TMEM192: variants seen among roughly 807,000 people sequenced by gnomAD.
TMEM192 encodes transmembrane protein 192.
Under a neutral mutation model 26.7 loss-of-function variants are expected in TMEM192, and 20 were observed. The observed-to-expected ratio is 0.75, with a 90% CI of 0.53 to 1.09. TMEM192 has a LOEUF of 1.09. Ranked by LOEUF, TMEM192 falls within the 50% of genes least tolerant of loss-of-function variation. The pLI is 0.00. For missense variants in TMEM192, 304 were observed against 322.6 expected (o/e 0.94, Z 0.44); for synonymous variants, 124 against 121.0 (o/e 1.02, Z -0.16).
chr4:165,097,151 C>A (rs1025487173), intron 3 of TMEM192, among the ~76,000 whole-genome samples: 2 of 152,096 alleles, frequency 1.3e-5, no homozygotes, highest in African/African-American at 4.8e-5. Flanking sequence ...CCTTCAGCTT[C>A]CACTGAGAAT....
At chr4:165,089,621 C>T (rs1205554778) in intron 3 of TMEM192, among the ~76,000 whole-genome samples, 1 of 152,144 alleles carries the variant, frequency 6.6e-6, no homozygotes, top group East Asian at 1.9e-4. Flanking sequence ...TTGCACCCAG[C>T]CGAAAGTGAC....
chr4:165,099,102 CTTTTTTTTTTT>C (rs1160535314), intron 3 of TMEM192, among the ~76,000 whole-genome samples: 1 of 126,194 alleles, frequency 7.9e-6, no homozygotes, highest in East Asian at 2.3e-4. Context: ...TTTTTTCTTT[CTTTTTTTTTTT>C]TTTTTTTTTG....
chr4:165,104,137 A>G (rs1735109758), intron 1 of TMEM192, among the ~76,000 whole-genome samples: 1 of 152,230 alleles, frequency 6.6e-6, no homozygotes, highest in Non-Finnish European at 1.5e-5. Context: ...ATGGATATAT[A>G]CTGCATTGTA....
Position 165,100,761 on chromosome 4 carries a change from A to T in TMEM192, c.306T>A (p.Ile102=). 1 of 1,614,044 alleles carries T rather than the reference A, an allele frequency of 6.2e-7. No homozygotes were observed. Among genetic ancestry groups the T allele is most frequent in the East Asian group, 2.2e-5 (1 of 44,852 alleles). The part of the protein sequence containing the change: ...VQTVIILGKV[I]LWILHLLLEC... Reference sequence around the variant, plus strand: ...CAAGGAGTAAATGGAGAATCCACAAAATAACTTTCCCAAGGATTATAACCG... The same window carrying T: ...CAAGGAGTAAATGGAGAATCCACAATATAACTTTCCCAAGGATTATAACCG... Residue 102 remains isoleucine (I), a synonymous_variant, in exon 3 of 6, where the codon ATT becomes ATA. Coordinates refer to ENST00000306480, the MANE Select transcript of TMEM192 (RefSeq NM_001100389.2).
At chr4:165,099,842 A>C (rs1453394026) in intron 3 of TMEM192, among the ~76,000 whole-genome samples, 5 of 152,138 alleles carry the variant, frequency 3.3e-5, no homozygotes, top group Non-Finnish European at 7.4e-5. Context: ...TCAGCTACTC[A>C]GGAGGCTGAG....
Position 165,100,648 on chromosome 4 carries a change from G to C in TMEM192, c.419C>G (p.Ala140Gly). The C allele has an allele frequency of 3.1e-6, 5 of 1,614,140 alleles. No homozygotes were observed. Among genetic ancestry groups the C allele is most frequent in the Non-Finnish European group, 4.2e-6 (5 of 1,180,022 alleles). Residue 140 changes from alanine to glycine, a missense_variant, in exon 3 of 6, where the codon GCG (alanine) becomes GGG (glycine). Ala to Gly is a moderately conservative substitution (Grantham distance 60). Coordinates refer to ENST00000306480, the MANE Select transcript of TMEM192 (RefSeq NM_001100389.2). ...YRSTRHLKRL[A>G]LMIQSSGNTV... ...CATACCAGAGGACTGTATCATCAAC[G>C]CAAGTCTCTTGAGATGCCTTGTTGA...
chr4:165,106,276 T>A (rs758378480), intron 1 of TMEM192, among the ~76,000 whole-genome samples: 1 of 152,228 alleles, frequency 6.6e-6, no homozygotes, highest in Non-Finnish European at 1.5e-5. Context: ...CTCTCTATTC[T>A]CACTATCTTA....
rs138060292 is a variant in TMEM192, at chr4:165,085,846, C to T, written c.575-158G>A. ...CTAAGCCCTGGGAATATAGGGATTACATTAGTATTGAAATAGCAATAATAG... is the reference window on the plus strand; with the variant it reads ...CTAAGCCCTGGGAATATAGGGATTATATTAGTATTGAAATAGCAATAATAG... On this transcript the variant is annotated intron_variant, in intron 4 of 5. Coordinates refer to ENST00000306480, the MANE Select transcript of TMEM192 (RefSeq NM_001100389.2). Among the ~76,000 whole-genome samples the T allele has an allele frequency of 8.4e-3, 1,278 of 152,272 alleles. 21 individuals carry two copies. Among genetic ancestry groups the T allele is most frequent in the African/African-American group, 0.029 (1,187 of 41,562 alleles).
Position 165,110,516 on chromosome 4 carries a change from A to G in TMEM192, c.27+2231T>C, listed in dbSNP as rs184863012. Among the ~76,000 whole-genome samples the G allele has an allele frequency of 2.6e-5, 4 of 152,310 alleles. No individual in the cohort carries two copies. The South Asian group carries it at 8.3e-4, about 32-fold the overall frequency. ...AGATGGATCACCTGAGACCAGCCTG[A>G]CCAAAATGGAGAAATCCCGTCTCTA... On this transcript the variant is annotated intron_variant, in intron 1 of 5. Coordinates refer to ENST00000306480, the MANE Select transcript of TMEM192 (RefSeq NM_001100389.2).
At position 165,100,698 on chromosome 4, in the gene TMEM192, GTTT is replaced by G; in HGVS notation, c.366_368del (p.Arg122_Asn123delinsSer). The G allele has an allele frequency of 6.2e-7, 1 of 1,614,092 alleles. No individual in the cohort carries two copies. The highest frequency in any genetic ancestry group is 1.1e-5 in the South Asian group (1 of 91,082). ...ATCGGTAGATCAAGTTATAGCCTCG[GTTT>G]CTGATTTTGCTGTGGTGATACTGGA... On this transcript the variant is annotated inframe_deletion, in exon 3 of 6. Transcript: ENST00000306480.
chr4:165,093,601 A>G (rs1364686416), intron 3 of TMEM192, among the ~76,000 whole-genome samples: 2 of 152,172 alleles, frequency 1.3e-5, no homozygotes, highest in Non-Finnish European at 2.9e-5. Context: ...CCCTCCTTGA[A>G]GAAGACCACC....
chr4:165,088,147 G>T (rs757442388), intron 4 of TMEM192, among the ~76,000 whole-genome samples: 1 of 152,170 alleles, frequency 6.6e-6, no homozygotes, highest in Non-Finnish European at 1.5e-5. Flanking sequence ...CAGAGCTCAA[G>T]TGATCCTTCT....
At chr4:165,107,623 C>A (rs767344318) in intron 1 of TMEM192, among the ~76,000 whole-genome samples, 6 of 152,200 alleles carry the variant, frequency 3.9e-5, no homozygotes, top group Non-Finnish European at 7.3e-5. Flanking sequence ...GGATTACAGG[C>A]ATAAGCCACC....
chr4:165,099,924 T>C (rs908782032), intron 3 of TMEM192, among the ~76,000 whole-genome samples: 1 of 152,136 alleles, frequency 6.6e-6, no homozygotes, highest in Non-Finnish European at 1.5e-5. Context: ...CTTTCAGTCT[T>C]GGGTGACAGA....
Position 165,103,115 on chromosome 4 carries a change from A to T in TMEM192, c.28-19T>A. On this transcript the variant is annotated intron_variant, in intron 1 of 5. Transcript: ENST00000306480. ...AGGAACCCTGGGGTGCAGAAAAACA[A>T]GCAACCTATAATCACCACTTTCTAG... The T allele has an allele frequency of 6.3e-7, 1 of 1,590,426 alleles. No individual in the cohort carries two copies. Among genetic ancestry groups the T allele is most frequent in the Non-Finnish European group, 8.5e-7 (1 of 1,169,708 alleles).
intron 1 of TMEM192, among the ~76,000 whole-genome samples, chr4:165,103,558 A>G (rs1464053934): frequency 1.6e-5 from 2 of 126,030 alleles, no homozygotes; most frequent in Non-Finnish European, 3.2e-5. Context: ...CTTGTTGCCC[A>G]GGCTGGAGTG....
rs1371643501 is a variant in TMEM192, at chr4:165,083,430, C to T, written c.677+2156G>A. On this transcript the variant is annotated intron_variant, in intron 5 of 5. Coordinates refer to ENST00000306480, the MANE Select transcript of TMEM192 (RefSeq NM_001100389.2). Reference sequence around the variant, plus strand: ...TATTGAGAATTATAGACAGTATAATCCAGGCTTCAAGAAACCGAGGGTAAA... The same window carrying T: ...TATTGAGAATTATAGACAGTATAATTCAGGCTTCAAGAAACCGAGGGTAAA... Among the ~76,000 whole-genome samples, 33 of 40,178 alleles carry T rather than the reference C, an allele frequency of 8.2e-4. 16 individuals carry two copies. The highest frequency in any genetic ancestry group is 2.8e-3 in the Non-Finnish European group (30 of 10,532). 26.4% of individuals were successfully genotyped at this position (40,178 alleles called of 152,430 possible).
At chr4:165,109,318 C>T (rs1394424534) in intron 1 of TMEM192, among the ~76,000 whole-genome samples, 1 of 152,156 alleles carries the variant, frequency 6.6e-6, no homozygotes, top group Non-Finnish European at 1.5e-5. Flanking sequence ...AAAGACTGCT[C>T]AACTTCTTGT....
chr4:165,088,585 G>C lies in TMEM192; in HGVS notation c.457C>G (p.Leu153Val). 1.2e-6 allele frequency: 2 copies of C among 1,612,360 alleles called. No homozygotes were observed. The highest frequency in any genetic ancestry group is 1.7e-6 in the Non-Finnish European group (2 of 1,179,238). ...IQSSGNTVLLLILCMQHSFPE... is the reference protein window; with the variant it reads ...IQSSGNTVLLVILCMQHSFPE... ...AAGGAGTGCTGCATGCACAGTATGA[G>C]GAGAAGCACTGTGTTGCCTGAGGAG... The change falls in exon 4 of 6, where the codon CTC (leucine) becomes GTC (valine). Residue 153 changes from leucine (L) to valine (V), a missense_variant. Transcript: ENST00000306480.
Sources: allele counts gnomAD v4.1 joint callset (sites outside exome capture counted in the v4.1 genomes callset), GRCh38; gene constraint gnomAD v4.1.1; transcripts MANE v1.5; gene names NCBI Gene and HGNC (gene_info 2026-07-23, HGNC 2026-07-21).